CACNA2D3: variants seen among roughly 807,000 people sequenced by gnomAD.
CACNA2D3 encodes voltage-dependent calcium channel subunit alpha-2/delta-3.
A neutral mutation model predicts 160.6 loss-of-function variants in CACNA2D3; 60 were observed. The observed-to-expected ratio is 0.37, with a 90% confidence interval of 0.30 to 0.46. The LOEUF (loss-of-function observed/expected upper bound fraction) is 0.46. Among genes scored for constraint, CACNA2D3 ranks in the 20% least tolerant of loss-of-function variants. CACNA2D3 has a pLI of 1.00. For synonymous variants in CACNA2D3, 558 were observed against 492.9 expected (o/e 1.13, Z -1.75); for missense variants, 1,205 against 1,365.0 (o/e 0.88, Z 1.85).
intron 11 of CACNA2D3, among the ~76,000 whole-genome samples, chr3:54,748,580 T>TC (rs1182732723): frequency 6.6e-6 from 1 of 152,082 alleles, no homozygotes; most frequent in African/African-American, 2.4e-5. Flanking sequence ...CTTTTTTTTT[T>TC]TTCACCCCTG....
intron 27 of CACNA2D3, among the ~76,000 whole-genome samples, chr3:54,938,814 G>A (rs768931278): frequency 5.9e-5 from 9 of 152,136 alleles, no homozygotes; most frequent in South Asian, 2.1e-4. Flanking sequence ...CATGGCTTGC[G>A]CTAGAAATAT....
At chr3:54,886,239 A>G (rs1699923176) in intron 23 of CACNA2D3, among the ~76,000 whole-genome samples, 1 of 152,290 alleles carries the variant, frequency 6.6e-6, no homozygotes. Flanking sequence ...TCATGTATTC[A>G]ATGACCTGAA....
chr3:54,659,147 T>A (rs1445606148), intron 11 of CACNA2D3, among the ~76,000 whole-genome samples: 2 of 152,206 alleles, frequency 1.3e-5, no homozygotes. Context: ...TGATAGCACC[T>A]TTCATCTTGT....
At chr3:54,780,131 A>G (rs1402483043) in intron 13 of CACNA2D3, among the ~76,000 whole-genome samples, 1 of 152,218 alleles carries the variant, frequency 6.6e-6, no homozygotes, top group Admixed American at 6.5e-5. Flanking sequence ...TATAAAGAAT[A>G]TTGCTACAAC....
intron 3 of CACNA2D3, among the ~76,000 whole-genome samples, chr3:54,323,229 T>C (rs1403311290): frequency 6.6e-6 from 1 of 152,214 alleles, no homozygotes; most frequent in East Asian, 1.9e-4. Context: ...CCTATTTTAA[T>C]GATACCTTGA....
At chr3:55,037,071 C>T (rs989866623) in intron 35 of CACNA2D3, among the ~76,000 whole-genome samples, 4 of 152,228 alleles carry the variant, frequency 2.6e-5, no homozygotes, top group South Asian at 2.1e-4. Context: ...TCGTGTATAA[C>T]ACAATAGGAC....
intron 17 of CACNA2D3, among the ~76,000 whole-genome samples, chr3:54,870,946 G>T (rs1575521449): frequency 6.6e-6 from 1 of 152,038 alleles, no homozygotes; most frequent in East Asian, 1.9e-4. Flanking sequence ...AGAGGAGAGA[G>T]AATTATAAAG....
At chr3:54,151,222 G>A (rs1700145287) in intron 2 of CACNA2D3, among the ~76,000 whole-genome samples, 3 of 151,954 alleles carry the variant, frequency 2.0e-5, no homozygotes, top group Admixed American at 2.0e-4. Context: ...TTAATTAATG[G>A]ATGTAGAGAT....
rs58133843 is a variant in CACNA2D3, at chr3:54,446,123, C to T, written c.382-57369C>T. ...ACATGTTTTCGGGGAGATGTCTTTT[C>T]GTGTTTTGCTGGAAGATGTCTTTCC... On this transcript the variant is annotated intron_variant, in intron 4 of 37. Transcript: ENST00000474759. Among the ~76,000 whole-genome samples the T allele has an allele frequency of 7.8e-3, 1,185 of 152,276 alleles. 16 individuals are homozygous for T. The highest frequency in any genetic ancestry group is 0.027 in the African/African-American group (1,138 of 41,564).
At chr3:54,782,471 T>C (rs1356063722) in intron 13 of CACNA2D3, among the ~76,000 whole-genome samples, 1 of 152,176 alleles carries the variant, frequency 6.6e-6, no homozygotes, top group Non-Finnish European at 1.5e-5. Context: ...TTATTACTTA[T>C]TGTTCCATAT....
At chr3:54,926,272 C>T (rs539178721) in intron 27 of CACNA2D3, among the ~76,000 whole-genome samples, 1 of 152,224 alleles carries the variant, frequency 6.6e-6, no homozygotes, top group Non-Finnish European at 1.5e-5. Context: ...ATCCTCATAA[C>T]CTTGTAAATA....
At chr3:54,315,527 C>T (rs1005632193) in intron 2 of CACNA2D3, among the ~76,000 whole-genome samples, 2 of 152,012 alleles carry the variant, frequency 1.3e-5, no homozygotes, top group African/African-American at 4.8e-5. Context: ...ATTTTTAGAC[C>T]CTCAGTCACC....
At chr3:54,818,261 G>C (rs953361268) in intron 14 of CACNA2D3, among the ~76,000 whole-genome samples, 4 of 152,106 alleles carry the variant, frequency 2.6e-5, no homozygotes, top group African/African-American at 9.7e-5. Flanking sequence ...CTCGGCTCAC[G>C]CAATCTCCAC....
At chr3:54,797,049 A>G (rs1031891109) in intron 13 of CACNA2D3, among the ~76,000 whole-genome samples, 2 of 152,156 alleles carry the variant, frequency 1.3e-5, no homozygotes, top group South Asian at 2.1e-4. Context: ...ATTCTTTAAG[A>G]TCATCTTTCA....
intron 4 of CACNA2D3, among the ~76,000 whole-genome samples, chr3:54,430,741 T>C (rs775571921): frequency 1.2e-4 from 18 of 152,340 alleles, no homozygotes; most frequent in Admixed American, 8.5e-4. Flanking sequence ...ATTCTGTCAT[T>C]GGAGGGTTCC....
chr3:54,203,343 G>A (rs1701211085), intron 2 of CACNA2D3, among the ~76,000 whole-genome samples: 1 of 152,180 alleles, frequency 6.6e-6, no homozygotes. Context: ...GCAGGCTGTG[G>A]GGCTCTGACT....
chr3:54,412,100 A>T (rs1164016762), intron 4 of CACNA2D3, among the ~76,000 whole-genome samples: 1 of 152,156 alleles, frequency 6.6e-6, no homozygotes, highest in Non-Finnish European at 1.5e-5. Context: ...ATAGTATAGT[A>T]CGTAGTCTTT....
chr3:55,003,099 G>A (rs761700437), intron 31 of CACNA2D3, among the ~76,000 whole-genome samples: 38 of 152,266 alleles, frequency 2.5e-4, no homozygotes, highest in Non-Finnish European at 3.2e-4. Flanking sequence ...ACATCTACAG[G>A]TCTTTCCGAG....
At chr3:55,003,839 T>A (rs1034440132) in intron 31 of CACNA2D3, among the ~76,000 whole-genome samples, 4 of 152,212 alleles carry the variant, frequency 2.6e-5, no homozygotes, top group African/African-American at 7.2e-5. Context: ...TATTCCTCTT[T>A]GGCAGATCTG....
Sources: allele counts gnomAD v4.1 joint callset (sites outside exome capture counted in the v4.1 genomes callset), GRCh38; gene constraint gnomAD v4.1.1; transcripts MANE v1.5; gene names NCBI Gene and HGNC (gene_info 2026-07-23, HGNC 2026-07-21).